The following NUP37 variants were observed in gnomAD, a reference collection of about 807,000 sequenced individuals.
NUP37 encodes nucleoporin Nup37.
In NUP37, 33 loss-of-function variants were observed where a neutral mutation model predicts 45.4. The ratio of observed to expected loss-of-function variants is 0.73; its 90% CI spans 0.55 to 0.97. The LOEUF is 0.97. Ranked by LOEUF, NUP37 falls within the 50% of genes least tolerant of loss-of-function variation. The pLI is 0.00. For synonymous variants in NUP37, 127 were observed against 130.7 expected, an observed-to-expected ratio of 0.97 and a Z score of 0.19; for missense variants, 365 against 389.7, an observed-to-expected ratio of 0.94 and a Z score of 0.53.
intron 8 of NUP37, among the ~76,000 whole-genome samples, chr12:102,075,339 G>T (rs1879139459): frequency 6.6e-6 from 1 of 151,816 alleles, no homozygotes; most frequent in Non-Finnish European, 1.5e-5. Context: ...CGATGCCCAG[G>T]TAAGTTTTAA....
At chr12:102,090,495 C>T (rs1189048995) in intron 5 of NUP37, among the ~76,000 whole-genome samples, 1 of 151,976 alleles carries the variant, frequency 6.6e-6, no homozygotes, top group Non-Finnish European at 1.5e-5. Flanking sequence ...TAAACCCATG[C>T]TTATTAATGT....
At chr12:102,092,130 T>C (rs532123434) in intron 5 of NUP37, among the ~76,000 whole-genome samples, 1 of 152,346 alleles carries the variant, frequency 6.6e-6, no homozygotes, top group East Asian at 1.9e-4. Context: ...GTTTATTTGT[T>C]CATTCTCCAT....
intron 6 of NUP37, among the ~76,000 whole-genome samples, chr12:102,080,846 C>T (rs1879312333): frequency 1.3e-5 from 2 of 152,150 alleles, no homozygotes; most frequent in South Asian, 4.1e-4. Context: ...GAAAATTCAC[C>T]AGGACCTAGT....
chr12:102,113,156 G>A lies in NUP37; in HGVS notation c.157-924C>T, dbSNP rs184693968. On this transcript the variant is annotated intron_variant, in intron 2 of 9. Transcript: ENST00000552283. ...TACAGACAAGCAAACGACTACCAAGGTATGCAGCTGTTATAAGGGTATCTG... is the reference window on the plus strand; with the variant it reads ...TACAGACAAGCAAACGACTACCAAGATATGCAGCTGTTATAAGGGTATCTG... Among the ~76,000 whole-genome samples, 9 of 152,278 alleles carry A rather than the reference G, an allele frequency of 5.9e-5. No individual in the cohort carries two copies. In the East Asian group the frequency reaches 9.6e-4, roughly 16 times the overall value.
intron 5 of NUP37, among the ~76,000 whole-genome samples, chr12:102,092,397 A>G (rs1268999187): frequency 1.3e-5 from 2 of 152,336 alleles, no homozygotes; most frequent in East Asian, 1.9e-4. Context: ...AGATGTAGTT[A>G]TAAGGATTAG....
At chr12:102,112,272 C>T in intron 2 of NUP37, 40 bp from the exon 3 acceptor site, 2 of 1,517,672 alleles carry the variant, frequency 1.3e-6, no homozygotes, top group South Asian at 2.3e-5. Flanking sequence ...GTAATGAGAA[C>T]AAACAATATA....
In NUP37 at chr12:102,074,354, T is replaced by G; in HGVS notation, c.981A>C (p.Ter327TyrextTer14). ...GTGAATCTAAGGTACAGAAAACACT[T>G]TATACTTCAGTCACCCAAAACAACA... is the stretch of plus-strand genomic sequence containing the variant. ...HKLLFWVTEV[*>Y] The change falls in exon 10 of 10, where the codon TAA becomes TAC. Residue 327 changes from the stop codon to tyrosine, a stop_lost. Coordinates refer to ENST00000552283, the MANE Select transcript of NUP37 (RefSeq NM_024057.4). The G allele has an allele frequency of 4.4e-6, 7 of 1,589,642 alleles. No individual in the cohort carries two copies. Among genetic ancestry groups the G allele is most frequent in the Non-Finnish European group, 6.0e-6 (7 of 1,159,896 alleles).
intron 3 of NUP37, among the ~76,000 whole-genome samples, chr12:102,103,713 C>A (rs559376549): frequency 1.3e-4 from 20 of 152,148 alleles, no homozygotes; most frequent in Non-Finnish European, 2.5e-4. Flanking sequence ...CAACAATGTT[C>A]AACATATGCA....
chr12:102,116,695 G>A (rs1472229780), intron 2 of NUP37, among the ~76,000 whole-genome samples: 1 of 152,154 alleles, frequency 6.6e-6, no homozygotes, highest in African/African-American at 2.4e-5. Context: ...CATTTTTGAT[G>A]TCAGAATACT....
chr12:102,100,885 C>G, intron 4 of NUP37, 147 bp downstream of exon 4: 1 of 499,786 alleles, frequency 2.0e-6, no homozygotes, highest in Non-Finnish European at 3.6e-6. Context: ...TTATTATAAC[C>G]TATAGTAGAG....
At chr12:102,108,621 A>C (rs914151440) in intron 3 of NUP37, among the ~76,000 whole-genome samples, 1 of 151,802 alleles carries the variant, frequency 6.6e-6, no homozygotes, top group African/African-American at 2.4e-5. Flanking sequence ...ATGTGTGTTT[A>C]AACACGTATG....
intron 5 of NUP37, among the ~76,000 whole-genome samples, chr12:102,090,947 T>C (rs1879633159): frequency 1.3e-5 from 2 of 152,198 alleles, no homozygotes; most frequent in African/African-American, 2.4e-5. Flanking sequence ...CTAGACCACG[T>C]CAGACAACAG....
chr12:102,101,172 C>G (rs771028838), intron 3 of NUP37, 68 bp from the exon 4 acceptor site: 2 of 763,326 alleles, frequency 2.6e-6, no homozygotes, highest in South Asian at 1.8e-5. Context: ...CCCCTCCCCC[C>G]CATCCTTCCC....
At chr12:102,078,106 T>G (rs917526320) in intron 6 of NUP37, among the ~76,000 whole-genome samples, 1 of 151,344 alleles carries the variant, frequency 6.6e-6, no homozygotes, top group Admixed American at 6.6e-5. Flanking sequence ...GGCGGGCAGA[T>G]CACTTGAGGT....
At chr12:102,119,506 T>C (rs1880664910) in intron 1 of NUP37, 1 of 152,170 alleles carries the variant, frequency 6.6e-6, no homozygotes, top group African/African-American at 2.4e-5. Context: ...ATGAGAATTA[T>C]GGGTTTTAGA....
chr12:102,080,679 A>G (rs1879307979), intron 6 of NUP37, among the ~76,000 whole-genome samples: 1 of 152,152 alleles, frequency 6.6e-6, no homozygotes, highest in African/African-American at 2.4e-5. Context: ...CAAGGTATCA[A>G]CCCTAGCCCA....
intron 6 of NUP37, among the ~76,000 whole-genome samples, chr12:102,083,377 T>C (rs1879381446): frequency 6.6e-6 from 1 of 152,194 alleles, no homozygotes; most frequent in African/African-American, 2.4e-5. Flanking sequence ...CATGCACATA[T>C]GCAGAGTATA....
chr12:102,109,084 C>T (rs1048753061), intron 3 of NUP37, among the ~76,000 whole-genome samples: 1 of 152,168 alleles, frequency 6.6e-6, no homozygotes, highest in Non-Finnish European at 1.5e-5. Context: ...AACTTTATGG[C>T]CAGCCTTGTG....
At chr12:102,088,119 G>T (rs1316652077) in intron 5 of NUP37, among the ~76,000 whole-genome samples, 2 of 152,152 alleles carry the variant, frequency 1.3e-5, no homozygotes, top group Non-Finnish European at 2.9e-5. Context: ...AATCCAAGTA[G>T]TAAGTATGTA....
Sources: allele counts gnomAD v4.1 joint callset (sites outside exome capture counted in the v4.1 genomes callset), GRCh38; gene constraint gnomAD v4.1.1; transcripts MANE v1.5; gene names NCBI Gene and HGNC (gene_info 2026-07-23, HGNC 2026-07-21).